The following IFT74 variants were observed in gnomAD, a reference collection of about 807,000 sequenced individuals.
IFT74 encodes intraflagellar transport 74.
In IFT74, 92 loss-of-function variants were observed where a neutral mutation model predicts 96.7. The ratio of observed to expected loss-of-function variants is 0.95; its 90% CI spans 0.80 to 1.13. The LOEUF (loss-of-function observed/expected upper bound fraction) is 1.13, where lower values mean the gene tolerates loss of function less well. Ranked by LOEUF, IFT74 falls within the 50% of genes most tolerant of loss-of-function variation. The probability of loss-of-function intolerance (pLI) is 0.00; values close to 1 mark genes in which losing one functional copy is unlikely to be tolerated. For missense variants in IFT74, 811 were observed against 698.2 expected (o/e 1.16, Z -1.82); for synonymous variants, 223 against 213.2 (o/e 1.05, Z -0.40).
intron 12 of IFT74, among the ~76,000 whole-genome samples, chr9:27,025,646 G>A (rs1563984093): frequency 6.6e-6 from 1 of 152,008 alleles, no homozygotes. Context: ...AGATTTCTTA[G>A]CAGAAACCCT....
chr9:27,026,863 C>A (rs1829885402), intron 12 of IFT74, among the ~76,000 whole-genome samples: 1 of 152,092 alleles, frequency 6.6e-6, no homozygotes, highest in Non-Finnish European at 1.5e-5. Context: ...GTGCCTACAT[C>A]AAAAAGTCTG....
intron 2 of IFT74, among the ~76,000 whole-genome samples, chr9:26,964,915 C>A (rs1012146600): frequency 3.3e-5 from 5 of 152,000 alleles, no homozygotes; most frequent in African/African-American, 1.2e-4. Context: ...AAGAGAAACA[C>A]ATCATATGAG....
chr9:26,964,558 A>T (rs531684511), intron 2 of IFT74, among the ~76,000 whole-genome samples: 1 of 152,048 alleles, frequency 6.6e-6, no homozygotes, highest in African/African-American at 2.4e-5. Flanking sequence ...CTTGGGCAGT[A>T]TGGCCATTTT....
Position 26,947,132 on chromosome 9 carries a change from G to A in IFT74, c.-34G>A, listed in dbSNP as rs535299977. 417 of 1,381,584 alleles carry A rather than the reference G, an allele frequency of 3.0e-4. 1 individual carries two copies. The African/African-American group carries it at 5.5e-3, about 18-fold the overall frequency. 85.6% of individuals were successfully genotyped at this position (1,381,584 alleles called of 1,614,324 possible). A position where few individuals can be genotyped will look rare whatever the true frequency, so the allele number is the denominator to read the frequency against. On this transcript the variant is annotated 5_prime_UTR_variant, in exon 1 of 20. Transcript: ENST00000433700. Reference sequence around the variant, plus strand: ...CTCGGAGAGCGCCGGGCCGCGGCGGGAGAAGAGCCTGCAGGTAAGGGGCGG... The same window carrying A: ...CTCGGAGAGCGCCGGGCCGCGGCGGAAGAAGAGCCTGCAGGTAAGGGGCGG...
intron 8 of IFT74, chr9:26,993,346 A>G (rs924988129): frequency 6.6e-6 from 1 of 152,214 alleles, no homozygotes; most frequent in Non-Finnish European, 1.5e-5. Flanking sequence ...TGTTCCTATA[A>G]TCATCTCATT....
At chr9:27,053,635 C>T (rs1023730530) in intron 16 of IFT74, among the ~76,000 whole-genome samples, 3 of 152,162 alleles carry the variant, frequency 2.0e-5, no homozygotes, top group African/African-American at 7.2e-5. Context: ...CTTGGAGTAG[C>T]ATTTAGCTTT....
upstream of IFT74, among the ~76,000 whole-genome samples, chr9:26,955,627 AT>A (rs2131462043): frequency 6.6e-6 from 1 of 152,268 alleles, no homozygotes; most frequent in African/African-American, 2.4e-5. Context: ...CTAAGGGAGA[AT>A]TCAGCCACAT....
intron 1 of IFT74, chr9:26,947,152 G>A (rs967970644): frequency 1.7e-5 from 23 of 1,319,532 alleles, no homozygotes; most frequent in Non-Finnish European, 2.1e-5. Flanking sequence ...TGCAGGTAAG[G>A]GGCGGCCGGA....
intron 1 of IFT74, chr9:26,947,336 C>A (rs555182575): frequency 4.7e-6 from 2 of 425,930 alleles, no homozygotes; most frequent in Non-Finnish European, 8.4e-6. Context: ...GCTGAGCTGG[C>A]TTTCCTCCAG....
chr9:27,014,503 G>T (rs80289610), intron 10 of IFT74, among the ~76,000 whole-genome samples: 6,201 of 152,156 alleles, frequency 0.041, 147 homozygotes, highest in Middle Eastern at 0.068. Flanking sequence ...TCTGATGTCA[G>T]TACATTTATG....
At chr9:26,991,285 A>T (rs1036314537) in intron 8 of IFT74, among the ~76,000 whole-genome samples, 7 of 152,168 alleles carry the variant, frequency 4.6e-5, no homozygotes, top group African/African-American at 1.7e-4. Flanking sequence ...TTGAAGTGAC[A>T]TGCTCATGGC....
intron 12 of IFT74, among the ~76,000 whole-genome samples, chr9:27,020,648 G>A (rs929080342): frequency 3.3e-5 from 5 of 151,618 alleles, no homozygotes; most frequent in Non-Finnish European, 7.4e-5. Flanking sequence ...CTAATTTTTT[G>A]TATTTTTAGT....
intron 1 of IFT74, among the ~76,000 whole-genome samples, chr9:26,958,865 A>G (rs916018539): frequency 2.0e-5 from 3 of 152,178 alleles, no homozygotes; most frequent in African/African-American, 4.8e-5. Flanking sequence ...GGTGGATGGT[A>G]TCTTAGAAAA....
intron 7 of IFT74, among the ~76,000 whole-genome samples, chr9:26,989,278 G>T (rs1472047435): frequency 6.6e-6 from 1 of 152,090 alleles, no homozygotes; most frequent in Non-Finnish European, 1.5e-5. Flanking sequence ...CATTATTTGG[G>T]TGATGGGTTC....
At chr9:27,031,737 A>T (rs1208299101) in intron 13 of IFT74, among the ~76,000 whole-genome samples, 1 of 87,448 alleles carries the variant, frequency 1.1e-5, no homozygotes, top group Non-Finnish European at 2.4e-5. Context: ...AATAATAAAT[A>T]AAATAAAATA....
At position 26,993,576 on chromosome 9, in the gene IFT74, C is replaced by A. The variant is rs955185705; in HGVS notation, c.587+3381C>A. 2.0e-5 allele frequency: 3 copies of A among 152,434 alleles called. No homozygotes were observed. In the South Asian group the frequency reaches 6.2e-4, roughly 32 times the overall value. The allele number at this position is 152,434 out of a possible 1,614,324, so 9.4% of individuals were successfully genotyped here. On this transcript the variant is annotated intron_variant, in intron 8 of 19. Transcript: ENST00000380062. ...ACTAATTATGTAACTTTTAAAATGA[C>A]TATTCTATAGATTATGACATAGATC... is the stretch of plus-strand genomic sequence containing the variant.
At chr9:26,995,783 G>A (rs764167620) in intron 8 of IFT74, 3 of 1,613,642 alleles carry the variant, frequency 1.9e-6, no homozygotes, top group African/African-American at 2.7e-5. Context: ...AATGAGAAGT[G>A]AAGTCGTCAG....
At chr9:26,983,325 G>A (rs1827469724) in intron 4 of IFT74, among the ~76,000 whole-genome samples, 1 of 152,172 alleles carries the variant, frequency 6.6e-6, no homozygotes, top group African/African-American at 2.4e-5. Flanking sequence ...TCTCCCCCAG[G>A]ATTTGTGCTT....
rs755324260 is a variant in IFT74 at position 27,011,958 on chromosome 9, G to C, written c.779G>C (p.Ser260Thr). The change falls in exon 10 of 20, where the codon AGC becomes ACC. Residue 260 changes from serine to threonine, a missense_variant. Transcript: ENST00000380062. ...QLDSQNMKKE[S>T]LEAEIAHSQV... ...GATTCACAGAACATGAAAAAAGAGA[G>C]CCTGGAAGCAGTAAGTATAAAATCA... 1 of 1,580,774 alleles carries C rather than the reference G, an allele frequency of 6.3e-7. No individual in the cohort carries two copies. Among genetic ancestry groups the C allele is most frequent in the Non-Finnish European group, 8.6e-7 (1 of 1,164,226 alleles).
Sources: gnomAD v4.1 joint callset for allele counts (sites outside exome capture counted in the v4.1 genomes callset) on GRCh38, gnomAD v4.1.1 for gene constraint, MANE v1.5 for transcripts, NCBI Gene and HGNC (gene_info 2026-07-23, HGNC 2026-07-21) for gene names.